DSTYK: variants seen among roughly 807,000 people sequenced by gnomAD.
DSTYK encodes RIP-homologous kinase.
DSTYK carries 34 observed loss-of-function variants against 98.7 expected under a neutral mutation model. The observed-to-expected ratio is 0.34, with a 90% confidence interval of 0.26 to 0.46. DSTYK has a LOEUF of 0.46. Ranked by LOEUF, DSTYK falls within the 20% of genes least tolerant of loss-of-function variation. The pLI is 1.00. For missense variants in DSTYK, 962 were observed against 1,181.7 expected (o/e 0.81, Z 2.73); for synonymous variants, 462 against 457.3 (o/e 1.01, Z -0.13).
At chr1:205,154,240 C>A (rs528610115) in intron 10 of DSTYK, among the ~76,000 whole-genome samples, 1 of 152,064 alleles carries the variant, frequency 6.6e-6, no homozygotes, top group Non-Finnish European at 1.5e-5. Context: ...TCAGCTAGGT[C>A]TATGATGAAA....
In DSTYK at chr1:205,157,266, T is replaced by A; in HGVS notation, c.2352+7A>T. On this transcript the variant is annotated splice_region_variant and intron_variant, in intron 10 of 12. Transcript: ENST00000367162. ...GGTATAATCTTGGGGAAACAGCTTT[T>A]ACTTACCAGCACATTTTTCAGTTTG... 6.2e-7 allele frequency: 1 copy of A among 1,613,462 alleles called. No individual in the cohort carries two copies. The highest frequency in any genetic ancestry group is 8.5e-7 in the Non-Finnish European group (1 of 1,179,392).
chr1:205,147,785 G>A, intron 12 of DSTYK, 40 bp from the exon 13 acceptor site: 1 of 1,595,146 alleles, frequency 6.3e-7, no homozygotes, highest in Non-Finnish European at 8.6e-7. Flanking sequence ...CAGTGAGAGG[G>A]ACCCAGCACA....
chr1:205,182,704 G>A (rs1658448022), intron 2 of DSTYK, among the ~76,000 whole-genome samples: 1 of 151,866 alleles, frequency 6.6e-6, no homozygotes, highest in South Asian at 2.1e-4. Context: ...TACTCGGGAG[G>A]CTGAGGCAGG....
At chr1:205,200,285 A>T (rs1468059599) in intron 1 of DSTYK, among the ~76,000 whole-genome samples, 1 of 152,114 alleles carries the variant, frequency 6.6e-6, no homozygotes, top group Non-Finnish European at 1.5e-5. Flanking sequence ...TGATCCACCT[A>T]CCTTGGCCTC....
At chr1:205,210,744 C>A (rs559283101) in intron 1 of DSTYK, among the ~76,000 whole-genome samples, 1 of 152,226 alleles carries the variant, frequency 6.6e-6, no homozygotes, top group East Asian at 1.9e-4. Flanking sequence ...TAGAGAATGT[C>A]CCCTCTTCAC....
At chr1:205,156,508 A>G (rs1016415465) in intron 10 of DSTYK, among the ~76,000 whole-genome samples, 1 of 152,184 alleles carries the variant, frequency 6.6e-6, no homozygotes, top group Non-Finnish European at 1.5e-5. Context: ...ATTGGATTTC[A>G]GACTTGCATG....
chr1:205,187,798 T>A lies in DSTYK; in HGVS notation c.274A>T (p.Ser92Cys), dbSNP rs1331867958. 1.6e-5 allele frequency: 26 copies of A among 1,610,194 alleles called. No individual in the cohort carries two copies. The highest frequency in any genetic ancestry group is 2.2e-5 in the Non-Finnish European group (26 of 1,177,824). The change falls in exon 2 of 13, where the codon AGC (serine) becomes TGC (cysteine). Residue 92 changes from serine (S) to cysteine (C), a missense_variant. Physicochemically the swap from Ser to Cys is moderately radical, Grantham distance 112. Around this residue, in one of 4 missense-constraint regions of DSTYK, gnomAD observed 660 missense variants for 855.0 expected, o/e 0.77. Transcript: ENST00000367162. ...AETGLQAGQL[S>C]CISFPPKEEK... ...TCCTTAGGTGGGAAGGAAATGCAGC[T>A]CAGTTGGCCTGGTTGGGGAAGGGGA...
chr1:205,187,392 T>C (rs1334457407), intron 2 of DSTYK, 26 bp downstream of exon 2: 14 of 1,572,136 alleles, frequency 8.9e-6, no homozygotes, highest in Non-Finnish European at 1.2e-5. Flanking sequence ...ATGTATACAA[T>C]TGGTATAGAA....
At chr1:205,163,617 G>T (rs866922320) in intron 4 of DSTYK, 106 bp downstream of exon 4, 47 of 923,200 alleles carry the variant, frequency 5.1e-5, no homozygotes, top group Non-Finnish European at 7.5e-5. Context: ...AACAAGATTC[G>T]CAAGAAGCTG....
At chr1:205,180,068 C>T (rs938887445) in intron 2 of DSTYK, among the ~76,000 whole-genome samples, 6 of 152,172 alleles carry the variant, frequency 3.9e-5, no homozygotes, top group Non-Finnish European at 8.8e-5. Context: ...GAATCACTGA[C>T]AGTGAATTGA....
intron 10 of DSTYK, among the ~76,000 whole-genome samples, chr1:205,151,117 A>G (rs1657389338): frequency 6.6e-6 from 1 of 152,210 alleles, no homozygotes; most frequent in Admixed American, 6.5e-5. Context: ...TAGAAAAGGT[A>G]CAGTAAGAAT....
At chr1:205,180,030 C>T (rs1176144590) in intron 2 of DSTYK, among the ~76,000 whole-genome samples, 1 of 152,174 alleles carries the variant, frequency 6.6e-6, no homozygotes, top group Non-Finnish European at 1.5e-5. Context: ...ATTTTTGCCT[C>T]AAGAGCTAAC....
chr1:205,156,052 A>G (rs542219193), intron 10 of DSTYK, among the ~76,000 whole-genome samples: 1 of 152,266 alleles, frequency 6.6e-6, no homozygotes, highest in Non-Finnish European at 1.5e-5. Context: ...GGTGCATAGA[A>G]ATCAAGAATT....
At chr1:205,203,220 C>T (rs942583227) in intron 1 of DSTYK, among the ~76,000 whole-genome samples, 1 of 151,292 alleles carries the variant, frequency 6.6e-6, no homozygotes, top group Admixed American at 6.6e-5. Flanking sequence ...TGGGAGCTCA[C>T]GCCTGTAATC....
In DSTYK at chr1:205,211,568, CCCCGGCCGCAGG is replaced by C; in HGVS notation, c.-45_-34del. 7.0e-7 allele frequency: 1 copy of C among 1,423,698 alleles called. No individual in the cohort carries two copies. Among genetic ancestry groups the C allele is most frequent in the South Asian group, 1.5e-5 (1 of 66,114 alleles). The allele number at this position is 1,423,698 out of a possible 1,614,324, so 88.2% of individuals were successfully genotyped here. A position where few individuals can be genotyped will look rare whatever the true frequency, so the allele number is the denominator to read the frequency against. ...GCCCGCTCTGTCTTTGCGGCTCGGT[CCCCGGCCGCAGG>C]CCCGGCCTCCCTCCTCCCCGCCCCC... On this transcript the variant is annotated 5_prime_UTR_variant, in exon 1 of 13. Transcript: ENST00000367162.
rs756424808 is a variant in DSTYK, at chr1:205,187,751, A to T, written c.321T>A (p.Ile107=). 5 of 1,614,140 alleles carry T rather than the reference A, an allele frequency of 3.1e-6. No individual in the cohort carries two copies. In the South Asian group the frequency reaches 4.4e-5, roughly 14 times the overall value. ...TCAGTATGCAAGGGAGGCAGTCCAC[A>T]ATCTGCTGGAGGTACTTCTCTTCCT... ...PPKEEKYLQQ[I]VDCLPCILIL... is the part of the protein sequence containing the mutation. The change falls in exon 2 of 13, where the codon ATT becomes ATA. Residue 107 remains isoleucine, a synonymous_variant. Transcript: ENST00000367162.
At chr1:205,191,427 C>T (rs376857081) in intron 1 of DSTYK, among the ~76,000 whole-genome samples, 4 of 152,216 alleles carry the variant, frequency 2.6e-5, no homozygotes, top group East Asian at 1.9e-4. Flanking sequence ...GGCTTTGCCA[C>T]TCTGACTAGC....
At chr1:205,202,773 A>AT (rs1553367519) in intron 1 of DSTYK, 8 of 626,214 alleles carry the variant, frequency 1.3e-5, no homozygotes, top group Non-Finnish European at 2.0e-5. Flanking sequence ...ACAATTAAAT[A>AT]TTTTTTTAAA....
In DSTYK at chr1:205,142,748, T is replaced by G. The variant is rs895892170; in HGVS notation, c.*4810A>C. 6.6e-6 allele frequency: 1 copy of G among 152,260 alleles called. No individual in the cohort carries two copies. Among genetic ancestry groups the G allele is most frequent in the Non-Finnish European group, 1.5e-5 (1 of 68,040 alleles). 9.4% of individuals were successfully genotyped at this position (152,260 alleles called of 1,614,324 possible). On this transcript the variant is annotated 3_prime_UTR_variant, in exon 13 of 13. Transcript: ENST00000367162. ...ACTGAAGTGTGTGCCAAAGTCATTG[T>G]CTTTTGTTATTGCACTTTTATTCTA... is the stretch of plus-strand genomic sequence containing the variant.
Sources: gnomAD v4.1 joint callset for allele counts (sites outside exome capture counted in the v4.1 genomes callset) on GRCh38, gnomAD v4.1.1 for gene constraint, gnomAD v4.1.1 regional missense constraint, MANE v1.5 for transcripts, NCBI Gene and HGNC (gene_info 2026-07-23, HGNC 2026-07-21) for gene names.